Variants in SEC14L1 observed in about 807,000 individuals in gnomAD.
The protein encoded by SEC14L1 is SEC14-like protein 1.
SEC14L1 carries 48 observed loss-of-function variants against 85.3 expected under a neutral mutation model. That is an observed-to-expected ratio of 0.56 (90% CI 0.45 to 0.72). The LOEUF (loss-of-function observed/expected upper bound fraction) is 0.72, where lower values mean the gene tolerates loss of function less well. Ranked by LOEUF, SEC14L1 falls within the 30% of genes least tolerant of loss-of-function variation. The pLI is 0.00. For missense variants in SEC14L1, 682 were observed against 921.4 expected, an observed-to-expected ratio of 0.74 and a Z score of 3.36; for synonymous variants, 391 against 355.5, an observed-to-expected ratio of 1.10 and a Z score of -1.12.
intron 3 of SEC14L1, chr17:77,130,287 G>C (rs112637085): frequency 6.6e-6 from 1 of 151,946 alleles, no homozygotes; most frequent in Non-Finnish European, 1.5e-5. Flanking sequence ...GTGGGGGGAT[G>C]TGTTTTTTAT....
At chr17:77,160,403 A>G (rs1303966162) in intron 3 of SEC14L1, among the ~76,000 whole-genome samples, 2 of 152,254 alleles carry the variant, frequency 1.3e-5, no homozygotes, top group Admixed American at 1.3e-4. Context: ...TTTGCTCTTT[A>G]TTAGACCAAA....
chr17:77,179,569 T>C (rs1367134630), intron 3 of SEC14L1, among the ~76,000 whole-genome samples: 1 of 152,208 alleles, frequency 6.6e-6, no homozygotes, highest in Non-Finnish European at 1.5e-5. Flanking sequence ...TTGGAGAAAG[T>C]GTATCATCAG....
chr17:77,213,895 C>T lies in SEC14L1; in HGVS notation c.2043-23C>T, dbSNP rs1179660556. Reference sequence around the variant, plus strand: ...GGTTGGCAGGGTGGTCCTCACGCCTCGCCCCTCCCTGTGCCATTACAGAGG... The same window carrying T: ...GGTTGGCAGGGTGGTCCTCACGCCTTGCCCCTCCCTGTGCCATTACAGAGG... On this transcript the variant is annotated intron_variant, in intron 16 of 16. Coordinates refer to ENST00000436233, the MANE Select transcript of SEC14L1 (RefSeq NM_001143998.2). This position sits in a 1 kb window ranked among gnomAD's most constrained non-coding sequence, Gnocchi z 7.1. 6 of 1,610,554 alleles carry T rather than the reference C, an allele frequency of 3.7e-6. No homozygotes were observed. Among genetic ancestry groups the T allele is most frequent in the African/African-American group, 1.3e-5 (1 of 74,874 alleles).
chr17:77,187,370 GCC>G (rs111758486), intron 3 of SEC14L1, among the ~76,000 whole-genome samples: 4 of 147,996 alleles, frequency 2.7e-5, no homozygotes, highest in African/African-American at 7.5e-5. Context: ...ACTACCCTAT[GCC>G]CCCCCCCCAC....
chr17:77,210,044 T>A (rs1386171593), intron 14 of SEC14L1: 1 of 152,414 alleles, frequency 6.6e-6, no homozygotes, highest in African/African-American at 2.4e-5. Flanking sequence ...GGTTTCACCA[T>A]GTTGGCCAGG....
intron 3 of SEC14L1, among the ~76,000 whole-genome samples, chr17:77,183,931 A>G (rs777347912): frequency 2.0e-5 from 3 of 152,080 alleles, no homozygotes; most frequent in East Asian, 3.9e-4. Context: ...GATTATAGGC[A>G]TGCGCCACCA....
At chr17:77,095,179 T>A (rs1344112111) in intron 3 of SEC14L1, among the ~76,000 whole-genome samples, 3 of 152,134 alleles carry the variant, frequency 2.0e-5, no homozygotes, top group Non-Finnish European at 2.9e-5. Context: ...GATCCTAGGC[T>A]CCCCTGAGCA....
intron 3 of SEC14L1, among the ~76,000 whole-genome samples, chr17:77,129,132 C>T (rs1343043878): frequency 6.6e-6 from 1 of 152,052 alleles, no homozygotes; most frequent in East Asian, 1.9e-4. Context: ...TCTATGTGTA[C>T]AGAACATTCC....
chr17:77,138,657 A>C (rs1972864701), upstream of SEC14L1, among the ~76,000 whole-genome samples: 1 of 152,070 alleles, frequency 6.6e-6, no homozygotes. Flanking sequence ...AAAAAACCTA[A>C]GGAAAAAAAT....
chr17:77,113,440 G>C (rs1477048350), intron 3 of SEC14L1, among the ~76,000 whole-genome samples: 1 of 152,000 alleles, frequency 6.6e-6, no homozygotes, highest in Non-Finnish European at 1.5e-5. Flanking sequence ...TGCATCAGCA[G>C]GCTTGATAAA....
At chr17:77,188,560 C>T (rs1444144560) in intron 3 of SEC14L1, among the ~76,000 whole-genome samples, 3 of 152,048 alleles carry the variant, frequency 2.0e-5, no homozygotes, top group African/African-American at 4.8e-5. Flanking sequence ...AAGGACATCT[C>T]GGAGTTGTTT....
chr17:77,147,205 CTTTG>C (rs1316331936), intron 3 of SEC14L1, among the ~76,000 whole-genome samples: 3 of 152,104 alleles, frequency 2.0e-5, no homozygotes, highest in African/African-American at 4.8e-5. Flanking sequence ...AACTTAATGC[CTTTG>C]TTTGTTTGTT....
At chr17:77,111,726 A>G (rs1972053177) in intron 3 of SEC14L1, among the ~76,000 whole-genome samples, 1 of 152,236 alleles carries the variant, frequency 6.6e-6, no homozygotes, top group Non-Finnish European at 1.5e-5. Context: ...ATATTTACCC[A>G]ATGCCTGAAC....
At chr17:77,101,117 T>TA (rs1393056879) in intron 3 of SEC14L1, among the ~76,000 whole-genome samples, 1 of 152,088 alleles carries the variant, frequency 6.6e-6, no homozygotes, top group African/African-American at 2.4e-5. Flanking sequence ...ATGAATTTAT[T>TA]AATTATATCA....
intron 3 of SEC14L1, among the ~76,000 whole-genome samples, chr17:77,178,064 C>T (rs1324454445): frequency 6.9e-6 from 1 of 144,854 alleles, no homozygotes; most frequent in Non-Finnish European, 1.5e-5. Flanking sequence ...CTCCCCCCCC[C>T]CTTTTTTTTT....
intron 3 of SEC14L1, among the ~76,000 whole-genome samples, chr17:77,181,599 T>TG (rs1322305048): frequency 6.6e-6 from 1 of 152,126 alleles, no homozygotes; most frequent in Non-Finnish European, 1.5e-5. Context: ...TTAGTAGAGA[T>TG]GGGGTCTCAC....
At chr17:77,193,347 G>A in intron 5 of SEC14L1, 74 bp from the exon 6 acceptor site, 1 of 1,436,376 alleles carries the variant, frequency 7.0e-7, no homozygotes, top group Non-Finnish European at 9.4e-7. Flanking sequence ...CTGGTTACTG[G>A]TTAAACTGAG....
intron 3 of SEC14L1, among the ~76,000 whole-genome samples, chr17:77,162,852 G>T (rs1974129183): frequency 6.6e-6 from 1 of 151,694 alleles, no homozygotes; most frequent in Non-Finnish European, 1.5e-5. Flanking sequence ...ATGTGTTGTG[G>T]ATTCTCATAG....
chr17:77,120,457 A>G (rs1217595201), intron 3 of SEC14L1, among the ~76,000 whole-genome samples: 1 of 150,812 alleles, frequency 6.6e-6, no homozygotes, highest in Admixed American at 6.6e-5. Context: ...GCTGCCCCGG[A>G]GTTTCTGATC....
Sources: allele counts gnomAD v4.1 joint callset (sites outside exome capture counted in the v4.1 genomes callset), GRCh38; gene constraint gnomAD v4.1.1; non-coding constraint Gnocchi (gnomAD v3.1); transcripts MANE v1.5; gene names NCBI Gene and HGNC (gene_info 2026-07-23, HGNC 2026-07-21).